The following UCK2 variants were observed in gnomAD, a reference collection of about 807,000 sequenced individuals.
UCK2 encodes cytidine monophosphokinase 2.
In UCK2, 6 loss-of-function variants were observed where a neutral mutation model predicts 30.8. The observed-to-expected ratio is 0.19, with a 90% CI of 0.11 to 0.38. The LOEUF is 0.38. Ranked by LOEUF, UCK2 falls within the 10% of genes least tolerant of loss-of-function variation. The probability of loss-of-function intolerance (pLI) is 1.00; values close to 1 mark genes in which losing one functional copy is unlikely to be tolerated. For missense variants in UCK2, 210 were observed against 339.8 expected, an observed-to-expected ratio of 0.62 and a Z score of 3.00; for synonymous variants, 125 against 133.6, an observed-to-expected ratio of 0.94 and a Z score of 0.45.
intron 1 of UCK2, among the ~76,000 whole-genome samples, chr1:165,873,618 A>G (rs1475371759): frequency 6.6e-6 from 1 of 152,056 alleles, no homozygotes; most frequent in African/African-American, 2.4e-5. Flanking sequence ...GTCGTAGTTC[A>G]TCATCAGTAA....
intron 1 of UCK2, among the ~76,000 whole-genome samples, chr1:165,857,364 C>T (rs2101862430): frequency 6.6e-6 from 1 of 152,264 alleles, no homozygotes; most frequent in South Asian, 2.1e-4. Flanking sequence ...ATCTCTAGTA[C>T]CTGGCATTGC....
At chr1:165,832,280 G>A (rs1654069179) in intron 1 of UCK2, among the ~76,000 whole-genome samples, 1 of 151,936 alleles carries the variant, frequency 6.6e-6, no homozygotes, top group South Asian at 2.1e-4. Context: ...TATCTTTCTT[G>A]TCTTATGCTT....
intron 1 of UCK2, among the ~76,000 whole-genome samples, chr1:165,833,725 G>A (rs1332795435): frequency 6.6e-6 from 1 of 152,128 alleles, no homozygotes; most frequent in African/African-American, 2.4e-5. Flanking sequence ...CTCTGTGATG[G>A]TGCTGTTGGA....
In UCK2 at chr1:165,887,637, G is replaced by A. The variant is rs143299100; in HGVS notation, c.100-2567G>A. Reference sequence around the variant, plus strand: ...AGGAGGAATTCTATCTACTAATAAAGGCTGCAGACTTTATCTTCCTACAAC... The same window carrying A: ...AGGAGGAATTCTATCTACTAATAAAAGCTGCAGACTTTATCTTCCTACAAC... On this transcript the variant is annotated intron_variant, in intron 1 of 6. Transcript: ENST00000367879. 3.2e-4 allele frequency among the ~76,000 whole-genome samples: 48 copies of A among 152,068 alleles called. 1 individual carries two copies. In the East Asian group the frequency reaches 8.9e-3, roughly 28 times the overall value.
At chr1:165,837,727 C>T (rs374680714) in intron 1 of UCK2, among the ~76,000 whole-genome samples, 11 of 152,126 alleles carry the variant, frequency 7.2e-5, no homozygotes, top group East Asian at 3.8e-4. Context: ...TGTCCAAAAA[C>T]GGGAAGGATG....
chr1:165,875,231 A>G (rs1248185131), intron 1 of UCK2, among the ~76,000 whole-genome samples: 1 of 152,192 alleles, frequency 6.6e-6, no homozygotes, highest in African/African-American at 2.4e-5. Context: ...AGTTTAAAAC[A>G]AGGATGCCAG....
At chr1:165,847,554 G>A (rs143767241) in intron 1 of UCK2, among the ~76,000 whole-genome samples, 7 of 152,182 alleles carry the variant, frequency 4.6e-5, no homozygotes, top group South Asian at 2.1e-4. Context: ...CCTCAGCCTC[G>A]ACTATGTTAA....
chr1:165,856,036 A>T (rs1313627676), intron 1 of UCK2, among the ~76,000 whole-genome samples: 1 of 152,154 alleles, frequency 6.6e-6, no homozygotes, highest in Non-Finnish European at 1.5e-5. Context: ...TAGGTATGAA[A>T]ATATATATAA....
intron 1 of UCK2, among the ~76,000 whole-genome samples, chr1:165,861,510 C>T (rs1484179240): frequency 1.3e-5 from 2 of 148,286 alleles, no homozygotes; most frequent in East Asian, 3.9e-4. Flanking sequence ...CGCCTGTAGT[C>T]CCAGCTACTT....
chr1:165,882,248 G>A (rs1169412965), intron 1 of UCK2, among the ~76,000 whole-genome samples: 1 of 152,124 alleles, frequency 6.6e-6, no homozygotes, highest in African/African-American at 2.4e-5. Flanking sequence ...AAATGACTTG[G>A]CTGATAAGTT....
At chr1:165,836,839 C>G (rs964103769) in intron 1 of UCK2, among the ~76,000 whole-genome samples, 2 of 152,130 alleles carry the variant, frequency 1.3e-5, no homozygotes, top group Middle Eastern at 3.2e-3. Context: ...AGCAGAATAC[C>G]TGATAATGAA....
chr1:165,870,401 T>C (rs552162455), intron 1 of UCK2, among the ~76,000 whole-genome samples: 5 of 150,580 alleles, frequency 3.3e-5, no homozygotes, highest in African/African-American at 1.2e-4. Context: ...TGAATGAAGA[T>C]ACTTCTGCTC....
intron 1 of UCK2, among the ~76,000 whole-genome samples, chr1:165,863,995 C>T (rs531469917): frequency 1.3e-4 from 20 of 152,056 alleles, no homozygotes; most frequent in South Asian, 2.1e-4. Flanking sequence ...TCTTTTAAGA[C>T]GGAGTTTTGC....
At chr1:165,869,738 A>G (rs1489312066) in intron 1 of UCK2, among the ~76,000 whole-genome samples, 1 of 136,892 alleles carries the variant, frequency 7.3e-6, no homozygotes. Context: ...TGTCGTGATC[A>G]TAGCTCACTG....
intron 1 of UCK2, among the ~76,000 whole-genome samples, chr1:165,881,116 T>C (rs1323402642): frequency 7.0e-6 from 1 of 143,292 alleles, no homozygotes; most frequent in Non-Finnish European, 1.5e-5. Context: ...GAGGTTGCAG[T>C]GAGCTGAGAT....
chr1:165,837,030 A>G (rs1471335132), intron 1 of UCK2, among the ~76,000 whole-genome samples: 1 of 152,096 alleles, frequency 6.6e-6, no homozygotes, highest in Non-Finnish European at 1.5e-5. Flanking sequence ...TCCTTTTATA[A>G]GGAACCCACC....
intron 1 of UCK2, among the ~76,000 whole-genome samples, chr1:165,835,268 G>T (rs898128049): frequency 4.1e-5 from 6 of 146,954 alleles, no homozygotes; most frequent in Admixed American, 6.7e-5. Context: ...ATTCATAACC[G>T]CTAAGAGAAT....
intron 1 of UCK2, among the ~76,000 whole-genome samples, chr1:165,854,879 C>T (rs973455535): frequency 6.6e-6 from 1 of 152,166 alleles, no homozygotes; most frequent in Non-Finnish European, 1.5e-5. Flanking sequence ...CAATCCCCAA[C>T]TCGTACAGAA....
chr1:165,869,171 G>A (rs1655126686), intron 1 of UCK2, among the ~76,000 whole-genome samples: 1 of 152,102 alleles, frequency 6.6e-6, no homozygotes, highest in Non-Finnish European at 1.5e-5. Context: ...AATTACAATA[G>A]TAATGTCAAA....
Sources: allele counts gnomAD v4.1 joint callset (sites outside exome capture counted in the v4.1 genomes callset), GRCh38; gene constraint gnomAD v4.1.1; transcripts MANE v1.5; gene names NCBI Gene and HGNC (gene_info 2026-07-23, HGNC 2026-07-21).